PPP2R2A: variants seen among roughly 807,000 people sequenced by gnomAD.
PPP2R2A encodes the protein serine/threonine-protein phosphatase 2A 55 kDa regulatory subunit B alpha isoform.
A neutral mutation model predicts 53.2 loss-of-function variants in PPP2R2A; 9 were observed. That is an observed-to-expected ratio of 0.17 (90% CI 0.10 to 0.30). The LOEUF is 0.30. PPP2R2A is among the 10% of genes least tolerant of loss of function. PPP2R2A has a pLI of 1.00. For missense variants in PPP2R2A, 235 were observed against 534.6 expected (o/e 0.44, Z 5.53); for synonymous variants, 169 against 174.2 (o/e 0.97, Z 0.23).
At chr8:26,346,545 A>G (rs1804224458) in intron 3 of PPP2R2A, among the ~76,000 whole-genome samples, 1 of 152,202 alleles carries the variant, frequency 6.6e-6, no homozygotes, top group South Asian at 2.1e-4. Context: ...TTAGCTTTTC[A>G]AAGTCTTATT....
intron 2 of PPP2R2A, among the ~76,000 whole-genome samples, chr8:26,332,396 T>A (rs1803432415): frequency 6.6e-6 from 1 of 151,784 alleles, no homozygotes. Flanking sequence ...AGATACAAAT[T>A]GATATCAAAA....
intron 2 of PPP2R2A, among the ~76,000 whole-genome samples, chr8:26,314,299 C>T (rs1185154610): frequency 6.6e-6 from 1 of 152,194 alleles, no homozygotes; most frequent in Non-Finnish European, 1.5e-5. Flanking sequence ...TTGCCTTAAG[C>T]TCTATCCCTC....
intron 3 of PPP2R2A, among the ~76,000 whole-genome samples, chr8:26,341,443 A>G (rs544895369): frequency 6.6e-6 from 1 of 152,044 alleles, no homozygotes; most frequent in Non-Finnish European, 1.5e-5. Context: ...AATGTAATTG[A>G]ATGAGATTTT....
At chr8:26,294,321 TG>T (rs1203082279) in intron 2 of PPP2R2A, among the ~76,000 whole-genome samples, 1 of 152,228 alleles carries the variant, frequency 6.6e-6, no homozygotes, top group Non-Finnish European at 1.5e-5. Context: ...ATATATCGCT[TG>T]TCTTTTAGGA....
At position 26,372,344 on chromosome 8, in the gene PPP2R2A, G is replaced by C. The variant is rs1051982401; in HGVS notation, c.*1931G>C. 6.6e-6 allele frequency: 1 copy of C among 152,146 alleles called. No individual in the cohort carries two copies. The highest frequency in any genetic ancestry group is 2.4e-5 in the African/African-American group (1 of 41,408). 9.4% of individuals were successfully genotyped at this position (152,146 alleles called of 1,614,324 possible). A position where few individuals can be genotyped will look rare whatever the true frequency, so the allele number is the denominator to read the frequency against. On this transcript the variant is annotated 3_prime_UTR_variant, in exon 10 of 10. Coordinates refer to ENST00000380737, the MANE Select transcript of PPP2R2A (RefSeq NM_002717.4). Reference sequence around the variant, plus strand: ...AACAGTGATATTCTTCCTGTGTTGTGACTGGACAGTTTTCCAGATCTTTTT... The same window carrying C: ...AACAGTGATATTCTTCCTGTGTTGTCACTGGACAGTTTTCCAGATCTTTTT...
Position 26,363,906 on chromosome 8 carries a change from C to T in PPP2R2A, c.972+16C>T. 1.9e-6 allele frequency: 3 copies of T among 1,571,290 alleles called. No homozygotes were observed. The highest frequency in any genetic ancestry group is 2.6e-6 in the Non-Finnish European group (3 of 1,153,904). On this transcript the variant is annotated intron_variant, in intron 8 of 9. Coordinates refer to ENST00000380737, the MANE Select transcript of PPP2R2A (RefSeq NM_002717.4). ...AACATACCAGGTATTTGAGTTTTTT[C>T]TTTCAATGAGCATATACCCTGTTTA...
chr8:26,340,044 C>T (rs1207391517), intron 3 of PPP2R2A: 1 of 151,882 alleles, frequency 6.6e-6, no homozygotes, highest in Admixed American at 6.6e-5. Flanking sequence ...CTAAATATGT[C>T]TTTTATTATT....
intron 3 of PPP2R2A, chr8:26,340,047 T>C (rs1289299054): frequency 1.2e-4 from 18 of 152,090 alleles, no homozygotes. Context: ...AATATGTCTT[T>C]TATTATTTTT....
At position 26,362,652 on chromosome 8, in the gene PPP2R2A, A is replaced by G. The variant is rs778210141; in HGVS notation, c.638-32A>G. ...TAGAATTATATTTGCCCTTTTTTCT[A>G]AGTGGAAATTCCTTAATAAAATGTT... On this transcript the variant is annotated intron_variant, in intron 6 of 9. Coordinates refer to ENST00000380737, the MANE Select transcript of PPP2R2A (RefSeq NM_002717.4). This position sits in a 1 kb window ranked among gnomAD's most constrained non-coding sequence, Gnocchi z 4.4. The G allele has an allele frequency of 1.4e-5, 22 of 1,594,860 alleles. No homozygotes were observed. The highest frequency in any genetic ancestry group is 1.9e-5 in the Non-Finnish European group (22 of 1,168,124).
chr8:26,326,475 G>C (rs1280537507), intron 2 of PPP2R2A, among the ~76,000 whole-genome samples: 4 of 152,146 alleles, frequency 2.6e-5, no homozygotes, highest in Admixed American at 6.5e-5. Context: ...GGGTGAACTA[G>C]AACAATTCTG....
In PPP2R2A at chr8:26,360,539, A is replaced by G. The variant is rs1182440727; in HGVS notation, c.459+258A>G. 2 of 312,526 alleles carry G rather than the reference A, an allele frequency of 6.4e-6. No individual in the cohort carries two copies. The highest frequency in any genetic ancestry group is 1.2e-5 in the Non-Finnish European group (2 of 173,176). The allele number at this position is 312,526 out of a possible 1,614,324, so 19.4% of individuals were successfully genotyped here. A position where few individuals can be genotyped will look rare whatever the true frequency, so the allele number is the denominator to read the frequency against. The stretch of plus-strand genomic sequence containing the variant: ...CATCAGACTTCATCTCTGGTTTGTC[A>G]TGTTAGCTATCACAAGGTCAAGTTT... On this transcript the variant is annotated intron_variant, in intron 5 of 9. Transcript: ENST00000380737. The surrounding 1 kb of genome is among the most constrained non-coding windows in gnomAD (Gnocchi z 4.5).
chr8:26,360,539 A>T lies in PPP2R2A; in HGVS notation c.459+258A>T. Reference sequence around the variant, plus strand: ...CATCAGACTTCATCTCTGGTTTGTCATGTTAGCTATCACAAGGTCAAGTTT... The same window carrying T: ...CATCAGACTTCATCTCTGGTTTGTCTTGTTAGCTATCACAAGGTCAAGTTT... On this transcript the variant is annotated intron_variant, in intron 5 of 9. Transcript: ENST00000380737. The surrounding 1 kb of genome is among the most constrained non-coding windows in gnomAD (Gnocchi z 4.5). The T allele has an allele frequency of 3.2e-6, 1 of 312,644 alleles. No homozygotes were observed. Among genetic ancestry groups the T allele is most frequent in the Non-Finnish European group, 5.8e-6 (1 of 173,168 alleles). 19.4% of individuals were successfully genotyped at this position (312,644 alleles called of 1,614,324 possible). A position where few individuals can be genotyped will look rare whatever the true frequency, so the allele number is the denominator to read the frequency against.
At chr8:26,303,015 A>AT in intron 2 of PPP2R2A, among the ~76,000 whole-genome samples, 1 of 152,332 alleles carries the variant, frequency 6.6e-6, no homozygotes, top group South Asian at 2.1e-4. Context: ...TTTAGTAATA[A>AT]TGCTTTACAA....
intron 4 of PPP2R2A, among the ~76,000 whole-genome samples, chr8:26,359,408 G>A (rs964159316): frequency 3.3e-5 from 5 of 152,186 alleles, no homozygotes; most frequent in South Asian, 2.1e-4. Flanking sequence ...CCATGGTTGC[G>A]TAAGATGTTG....
chr8:26,357,718 G>A (rs545996386), intron 4 of PPP2R2A, among the ~76,000 whole-genome samples: 50 of 152,056 alleles, frequency 3.3e-4, no homozygotes, highest in African/African-American at 1.0e-3. Context: ...AAAGGAAACG[G>A]CAGCGTGGTT....
Position 26,371,361 on chromosome 8 carries a change from T to TTG in PPP2R2A, c.*949_*950insGT, listed in dbSNP as rs1805660547. ...CAATCTATAAATGCTACTAGTTTTT[T>TTG]TTTTTTTTTTTACCATCATGAGGGT... On this transcript the variant is annotated 3_prime_UTR_variant, in exon 10 of 10. Transcript: ENST00000380737. The TTG allele has an allele frequency of 6.6e-6, 1 of 151,808 alleles. No individual in the cohort carries two copies. Among genetic ancestry groups the TTG allele is most frequent in the South Asian group, 2.1e-4 (1 of 4,816 alleles). The allele number at this position is 151,808 out of a possible 1,614,324, so 9.4% of individuals were successfully genotyped here. A position where few individuals can be genotyped will look rare whatever the true frequency, so the allele number is the denominator to read the frequency against.
intron 2 of PPP2R2A, among the ~76,000 whole-genome samples, chr8:26,307,519 G>A (rs865974299): frequency 6.6e-6 from 1 of 152,110 alleles, no homozygotes; most frequent in Non-Finnish European, 1.5e-5. Context: ...TCTAATTCTC[G>A]ACCTAATTTC....
chr8:26,318,637 A>G (rs956493497), intron 2 of PPP2R2A, among the ~76,000 whole-genome samples: 12 of 152,222 alleles, frequency 7.9e-5, no homozygotes, highest in African/African-American at 2.7e-4. Flanking sequence ...CCTCCAATTT[A>G]AATTGATACC....
intron 2 of PPP2R2A, among the ~76,000 whole-genome samples, chr8:26,331,839 T>C (rs1803394147): frequency 1.3e-5 from 2 of 152,250 alleles, no homozygotes; most frequent in South Asian, 4.1e-4. Flanking sequence ...TATTTTGTGT[T>C]GCATGAAACA....
Sources: gnomAD v4.1 joint callset for allele counts (sites outside exome capture counted in the v4.1 genomes callset) on GRCh38, gnomAD v4.1.1 for gene constraint, Gnocchi (gnomAD v3.1) non-coding constraint, MANE v1.5 for transcripts, NCBI Gene and HGNC (gene_info 2026-07-23, HGNC 2026-07-21) for gene names.